The following CTSO variants were observed in gnomAD, a reference collection of about 807,000 sequenced individuals.
CTSO encodes cathepsin O.
A neutral mutation model predicts 42.4 loss-of-function variants in CTSO; 40 were observed. That is an observed-to-expected ratio of 0.94 (90% CI 0.73 to 1.23). CTSO has a LOEUF of 1.23. Ranked by LOEUF, CTSO falls within the 50% of genes most tolerant of loss-of-function variation. The probability of loss-of-function intolerance (pLI) is 0.00; values close to 1 mark genes in which losing one functional copy is unlikely to be tolerated. For missense variants in CTSO, 441 were observed against 396.0 expected, an observed-to-expected ratio of 1.11 and a Z score of -0.96; for synonymous variants, 156 against 146.2, an observed-to-expected ratio of 1.07 and a Z score of -0.48.
chr4:155,944,955 T>TA (rs34358651), intron 1 of CTSO, among the ~76,000 whole-genome samples: 61,173 of 117,410 alleles, frequency 0.52, 17,619 homozygotes, highest in East Asian at 0.71. Flanking sequence ...TGTGATTGAT[T>TA]AAAAAAAAAA....
rs199851945 is a variant in CTSO, at chr4:155,926,074, A to AG, written c.932-5dup. On this transcript the variant is annotated splice_region_variant and splice_polypyrimidine_tract_variant and intron_variant, in intron 7 of 7. Coordinates refer to ENST00000433477, the MANE Select transcript of CTSO (RefSeq NM_001334.3). ...GAAGAAACGGAATCTGCAATACCTA[A>AG]GGGAAAAAAAAGGAATTATTAGTCT... The AG allele has an allele frequency of 1.1e-5, 17 of 1,558,236 alleles. No individual in the cohort carries two copies. The highest frequency in any genetic ancestry group is 5.7e-5 in the Admixed American group (3 of 52,818).
At chr4:155,946,277 T>A (rs1419709667) in intron 1 of CTSO, among the ~76,000 whole-genome samples, 2 of 152,236 alleles carry the variant, frequency 1.3e-5, no homozygotes, top group Non-Finnish European at 2.9e-5. Flanking sequence ...CTTCTCTTAA[T>A]TTTTGTGTTG....
At position 155,953,755 on chromosome 4, in the gene CTSO, C is replaced by T. The variant is rs1457043868; in HGVS notation, c.93G>A (p.Pro31=). ...CACGCTCGCGGCTCCGCGGCCAGGT[C>T]GGGGTGAAGGGGGCGCGGGAGTCCG... ...GDADSRAPFT[P]TWPRSREREA... Residue 31 remains proline, a synonymous_variant, in exon 1 of 8, where the codon CCG becomes CCA. Coordinates refer to ENST00000433477, the MANE Select transcript of CTSO (RefSeq NM_001334.3). The T allele has an allele frequency of 3.8e-6, 5 of 1,301,618 alleles. No individual in the cohort carries two copies. The highest frequency in any genetic ancestry group is 4.7e-5 in the South Asian group (2 of 42,584). 80.6% of individuals were successfully genotyped at this position (1,301,618 alleles called of 1,614,324 possible). A position where few individuals can be genotyped will look rare whatever the true frequency, so the allele number is the denominator to read the frequency against.
In CTSO at chr4:155,953,675, G is replaced by C. The variant is rs894767820; in HGVS notation, c.135+38C>G. 4 of 1,250,406 alleles carry C rather than the reference G, an allele frequency of 3.2e-6. No individual in the cohort carries two copies. In the African/African-American group the frequency reaches 4.7e-5, roughly 15 times the overall value. 77.5% of individuals were successfully genotyped at this position (1,250,406 alleles called of 1,614,324 possible). Reference sequence around the variant, plus strand: ...CCCAGACCCGGGACAGGAAGTGAGGGAGCAGGGACAGATCCCGGGGAGGCG... The same window carrying C: ...CCCAGACCCGGGACAGGAAGTGAGGCAGCAGGGACAGATCCCGGGGAGGCG... On this transcript the variant is annotated intron_variant, in intron 1 of 7. Coordinates refer to ENST00000433477, the MANE Select transcript of CTSO (RefSeq NM_001334.3).
intron 7 of CTSO, among the ~76,000 whole-genome samples, chr4:155,927,446 A>G (rs1338193649): frequency 6.6e-6 from 1 of 152,152 alleles, no homozygotes; most frequent in African/African-American, 2.4e-5. Context: ...TTAACTAGCT[A>G]TTTTAGTTTG....
chr4:155,935,821 A>T (rs1743319894), intron 5 of CTSO, among the ~76,000 whole-genome samples: 1 of 152,226 alleles, frequency 6.6e-6, no homozygotes, highest in African/African-American at 2.4e-5. Flanking sequence ...TCTTGCAGTC[A>T]AATGCTATCA....
chr4:155,938,534 G>A (rs1013790788), intron 4 of CTSO, among the ~76,000 whole-genome samples: 1 of 152,120 alleles, frequency 6.6e-6, no homozygotes, highest in Non-Finnish European at 1.5e-5. Flanking sequence ...ACTGAGCAAA[G>A]CCCTACTGTG....
At chr4:155,927,298 A>T (rs1243998519) in intron 7 of CTSO, among the ~76,000 whole-genome samples, 2 of 152,254 alleles carry the variant, frequency 1.3e-5, no homozygotes. Flanking sequence ...GTTGGAACAA[A>T]TTATAATAAG....
intron 4 of CTSO, among the ~76,000 whole-genome samples, chr4:155,938,172 C>T (rs751662565): frequency 7.2e-5 from 11 of 152,102 alleles, no homozygotes; most frequent in African/African-American, 1.2e-4. Flanking sequence ...ACACAGGCAA[C>T]GGTTAGGTCA....
chr4:155,930,624 T>C (rs2110907031), intron 5 of CTSO, among the ~76,000 whole-genome samples: 1 of 152,252 alleles, frequency 6.6e-6, no homozygotes, highest in South Asian at 2.1e-4. Flanking sequence ...TTTACTGCTA[T>C]AGCAAGCCAT....
chr4:155,946,434 T>C (rs529822582), intron 1 of CTSO, among the ~76,000 whole-genome samples: 1 of 152,352 alleles, frequency 6.6e-6, no homozygotes, highest in African/African-American at 2.4e-5. Context: ...ATGATTCCAA[T>C]AACAGTTACT....
Position 155,925,899 on chromosome 4 carries a change from T to C in CTSO, c.*137A>G. On this transcript the variant is annotated 3_prime_UTR_variant, in exon 8 of 8. Coordinates refer to ENST00000433477, the MANE Select transcript of CTSO (RefSeq NM_001334.3). ...AAGAAGGGAACATTCTGAAACTTAG[T>C]TTAAATACTACTAGGCCTTAGAATC... is the stretch of plus-strand genomic sequence containing the variant. 1 of 752,124 alleles carries C rather than the reference T, an allele frequency of 1.3e-6. No homozygotes were observed. The highest frequency in any genetic ancestry group is 3.0e-5 in the East Asian group (1 of 33,508). The allele number at this position is 752,124 out of a possible 1,614,324, so 46.6% of individuals were successfully genotyped here.
rs1021670171 is a variant in CTSO, at chr4:155,943,131, C to T, written c.244+25G>A. ...CAAGCAAATTAAAATCAGGAAACCA[C>T]CTAAATAGCAACATCGGACTATACC... On this transcript the variant is annotated intron_variant, in intron 2 of 7. Coordinates refer to ENST00000433477, the MANE Select transcript of CTSO (RefSeq NM_001334.3). 4 of 1,382,214 alleles carry T rather than the reference C, an allele frequency of 2.9e-6. No individual in the cohort carries two copies. The African/African-American group carries it at 5.8e-5, about 20-fold the overall frequency. 85.6% of individuals were successfully genotyped at this position (1,382,214 alleles called of 1,614,324 possible). A position where few individuals can be genotyped will look rare whatever the true frequency, so the allele number is the denominator to read the frequency against.
Position 155,953,828 on chromosome 4 carries a change from G to A in CTSO, c.20C>T (p.Pro7Leu), listed in dbSNP as rs1273261535. The stretch of plus-strand genomic sequence containing the variant: ...CAGCCACAGCAGCCACGGCAGCCAC[G>A]GCAGCGCCCGCACGTCCATTGCGGC... MDVRAL[P>L]WLPWLLWLLC... Residue 7 changes from proline (P) to leucine (L), a missense_variant, in exon 1 of 8, where the codon CCG becomes CTG. Transcript: ENST00000433477. The A allele has an allele frequency of 2.3e-6, 3 of 1,307,658 alleles. No individual in the cohort carries two copies. The highest frequency in any genetic ancestry group is 3.7e-5 in the Admixed American group (1 of 27,140). 81.0% of individuals were successfully genotyped at this position (1,307,658 alleles called of 1,614,324 possible).
chr4:155,928,223 A>C, intron 7 of CTSO, 113 bp downstream of exon 7: 1 of 632,110 alleles, frequency 1.6e-6, no homozygotes, highest in Non-Finnish European at 2.5e-6. Flanking sequence ...TCATTTGGTT[A>C]AAGGACAAAA....
intron 4 of CTSO, among the ~76,000 whole-genome samples, chr4:155,937,937 T>C (rs1441308796): frequency 6.6e-6 from 1 of 152,168 alleles, no homozygotes; most frequent in Admixed American, 6.5e-5. Context: ...TTTTTAATAT[T>C]ATAAATTAAA....
At chr4:155,938,515 C>A (rs1348595744) in intron 4 of CTSO, among the ~76,000 whole-genome samples, 1 of 152,122 alleles carries the variant, frequency 6.6e-6, no homozygotes, top group African/African-American at 2.4e-5. Context: ...CTGAGGGACA[C>A]TGGGGTATAC....
At chr4:155,950,560 T>C (rs912390446) in intron 1 of CTSO, among the ~76,000 whole-genome samples, 2 of 152,154 alleles carry the variant, frequency 1.3e-5, no homozygotes, top group African/African-American at 4.8e-5. Context: ...TTCATCTTTA[T>C]ATAAGGTAGA....
At chr4:155,931,802 T>G (rs1382500971) in intron 5 of CTSO, among the ~76,000 whole-genome samples, 1 of 150,760 alleles carries the variant, frequency 6.6e-6, no homozygotes, top group Non-Finnish European at 1.5e-5. Context: ...TAACGAATTA[T>G]TATTATAATT....
Sources: allele counts gnomAD v4.1 joint callset (sites outside exome capture counted in the v4.1 genomes callset), GRCh38; gene constraint gnomAD v4.1.1; transcripts MANE v1.5; gene names NCBI Gene and HGNC (gene_info 2026-07-23, HGNC 2026-07-21).